Variants in EPHA8 observed in about 807,000 individuals in gnomAD.
EPHA8 encodes the protein ephrin type-A receptor 8.
A neutral mutation model predicts 103.6 loss-of-function variants in EPHA8; 58 were observed. The ratio of observed to expected loss-of-function variants is 0.56; its 90% CI spans 0.45 to 0.70. EPHA8 has a LOEUF of 0.70. EPHA8 is among the 30% of genes least tolerant of loss of function. The pLI, the probability that EPHA8 is intolerant of heterozygous loss-of-function variation, is 0.00. For missense variants in EPHA8, 1,304 were observed against 1,395.2 expected (o/e 0.93, Z 1.04); for synonymous variants, 559 against 572.5 (o/e 0.98, Z 0.34).
chr1:22,578,304 C>A (rs1284223014), intron 3 of EPHA8, among the ~76,000 whole-genome samples: 1 of 126,788 alleles, frequency 7.9e-6, no homozygotes, highest in Non-Finnish European at 1.6e-5. Flanking sequence ...GAGTCTATGC[C>A]TGTGTGCATA....
chr1:22,566,522 G>C (rs1456003109), intron 1 of EPHA8, among the ~76,000 whole-genome samples: 1 of 152,206 alleles, frequency 6.6e-6, no homozygotes, highest in Non-Finnish European at 1.5e-5. Flanking sequence ...ATAGGCCTAG[G>C]AGGGATGCCT....
Position 22,589,203 on chromosome 1 carries a change from G to C in EPHA8, c.1312G>C (p.Ala438Pro). The change falls in exon 5 of 17, where the codon GCA becomes CCA. Residue 438 changes from alanine (A) to proline (P), a missense_variant. By Grantham distance (27) the Ala-to-Pro change is conservative. Transcript: ENST00000166244. This position sits in a 1 kb window ranked among gnomAD's most constrained non-coding sequence, Gnocchi z 4.3. The part of the protein sequence containing the change: ...AAVVNITTNQ[A>P]APSQVVVIRQ... The stretch of plus-strand genomic sequence containing the variant: ...TGTGGTCAACATCACCACGAACCAG[G>C]CAGGTAGGCGGAGAAACTCCGTCCC... 1 of 1,613,952 alleles carries C rather than the reference G, an allele frequency of 6.2e-7. No individual in the cohort carries two copies. The highest frequency in any genetic ancestry group is 1.1e-5 in the South Asian group (1 of 91,070).
In EPHA8 at chr1:22,595,251, C is replaced by T. The variant is rs1223729255; in HGVS notation, c.1625C>T (p.Thr542Ile). ...GCAGGGCCCCGCTATGACACCAGGA[C>T]CATTGTCTGGATCTGCCTGACGCTC... Reference protein sequence around the residue: ...GKPRPRYDTRTIVWICLTLIT... With the variant: ...GKPRPRYDTRIIVWICLTLIT... The change falls in exon 8 of 17, where the codon ACC (threonine) becomes ATC (isoleucine). Residue 542 changes from threonine to isoleucine, a missense_variant. Thr to Ile is a moderately conservative substitution (Grantham distance 89). Coordinates refer to ENST00000166244, the MANE Select transcript of EPHA8 (RefSeq NM_020526.5). 6.2e-7 allele frequency: 1 copy of T among 1,613,582 alleles called. No individual in the cohort carries two copies.
chr1:22,585,419 G>A (rs1641175484), intron 3 of EPHA8, among the ~76,000 whole-genome samples: 1 of 152,158 alleles, frequency 6.6e-6, no homozygotes, highest in Non-Finnish European at 1.5e-5. Context: ...CTGCACAGTG[G>A]ACTCCTTATT....
Position 22,597,329 on chromosome 1 carries a change from C to T in EPHA8, c.1783C>T (p.Leu595=). 6.2e-7 allele frequency: 1 copy of T among 1,606,942 alleles called. No individual in the cohort carries two copies. Among genetic ancestry groups the T allele is most frequent in the Non-Finnish European group, 8.5e-7 (1 of 1,175,510 alleles). The change falls in exon 10 of 17, where the codon CTG becomes TTG. Residue 595 remains leucine (L), a synonymous_variant. Coordinates refer to ENST00000166244, the MANE Select transcript of EPHA8 (RefSeq NM_020526.5). This position sits in a 1 kb window ranked among gnomAD's most constrained non-coding sequence, Gnocchi z 4.6. ...CCCCTCAGCACCCCCACCTGTCTTC[C>T]TGCCTCTGCATCACCCCCCGGGAAA... is the stretch of plus-strand genomic sequence containing the variant. The part of the protein sequence containing the change: ...QNGQAPPPVF[L]PLHHPPGKLP...
At chr1:22,588,770 G>A in intron 4 of EPHA8, 101 bp from the exon 5 acceptor site, 1 of 1,497,046 alleles carries the variant, frequency 6.7e-7, no homozygotes, top group Non-Finnish European at 8.8e-7. Flanking sequence ...CCCTAAATAT[G>A]ATGGGGAGCC....
intron 7 of EPHA8, among the ~76,000 whole-genome samples, chr1:22,594,372 T>C (rs1050568378): frequency 6.6e-6 from 1 of 152,216 alleles, no homozygotes; most frequent in African/African-American, 2.4e-5. Flanking sequence ...TGGCTGGTAC[T>C]GAGATGAGTG....
intron 1 of EPHA8, among the ~76,000 whole-genome samples, chr1:22,564,978 A>T (rs1203909013): frequency 6.6e-6 from 1 of 152,130 alleles, no homozygotes. Context: ...GCACACACAC[A>T]GGCTACTTGG....
intron 3 of EPHA8, among the ~76,000 whole-genome samples, chr1:22,586,078 G>A (rs1641196692): frequency 6.6e-6 from 1 of 152,162 alleles, no homozygotes; most frequent in Non-Finnish European, 1.5e-5. Context: ...CTGGCCCCTA[G>A]GCTGGCGTCC....
intron 5 of EPHA8, among the ~76,000 whole-genome samples, chr1:22,590,576 C>T (rs1641346095): frequency 1.3e-5 from 2 of 152,122 alleles, no homozygotes; most frequent in South Asian, 4.1e-4. Flanking sequence ...GTGTCCCAGC[C>T]CACGCCCATT....
chr1:22,578,814 T>C (rs1199179040), intron 3 of EPHA8, among the ~76,000 whole-genome samples: 1 of 151,858 alleles, frequency 6.6e-6, no homozygotes. Context: ...TGCATGTATG[T>C]GTACATGTGC....
At chr1:22,596,498 C>T (rs1043351786) in intron 9 of EPHA8, among the ~76,000 whole-genome samples, 1 of 152,122 alleles carries the variant, frequency 6.6e-6, no homozygotes, top group Admixed American at 6.5e-5. Context: ...TGTAGAGATC[C>T]CAGACAACAA....
intron 1 of EPHA8, among the ~76,000 whole-genome samples, chr1:22,565,464 G>A (rs1213317792): frequency 6.6e-6 from 1 of 152,174 alleles, no homozygotes; most frequent in Admixed American, 6.5e-5. Flanking sequence ...GGCCCTGGGA[G>A]CTGCACCCGA....
intron 5 of EPHA8, 29 bp from the exon 6 acceptor site, chr1:22,593,297 C>CG: frequency 6.5e-7 from 1 of 1,546,452 alleles, no homozygotes; most frequent in Non-Finnish European, 8.8e-7. Flanking sequence ...GTCTCCCCTC[C>CG]GCCCATCTGA....
intron 9 of EPHA8, 75 bp downstream of exon 9, chr1:22,596,248 C>T (rs947641973): frequency 3.4e-6 from 5 of 1,452,842 alleles, no homozygotes; most frequent in African/African-American, 1.4e-5. Flanking sequence ...GGGGGTGGCA[C>T]AGATGGGAAG....
At chr1:22,581,815 T>C (rs1311397794) in intron 3 of EPHA8, among the ~76,000 whole-genome samples, 1 of 152,250 alleles carries the variant, frequency 6.6e-6, no homozygotes, top group Non-Finnish European at 1.5e-5. Flanking sequence ...TAATTCATAG[T>C]GCACTGCAGG....
rs2148275034 is a variant in EPHA8 at position 22,601,996 on chromosome 1, G to A, written c.*255G>A. On this transcript the variant is annotated 3_prime_UTR_variant, in exon 17 of 17. Transcript: ENST00000166244. ...CACCTTCTCTTTTCCAGAGCCTGGG[G>A]CCTCCACGTCACAGAGTCCAACAGG... 1.8e-6 allele frequency: 1 copy of A among 569,118 alleles called. No individual in the cohort carries two copies. The highest frequency in any genetic ancestry group is 3.1e-6 in the Non-Finnish European group (1 of 325,422). 35.3% of individuals were successfully genotyped at this position (569,118 alleles called of 1,614,324 possible).
intron 2 of EPHA8, among the ~76,000 whole-genome samples, chr1:22,575,399 G>A (rs1640655795): frequency 6.6e-6 from 1 of 152,082 alleles, no homozygotes; most frequent in Admixed American, 6.5e-5. Context: ...TTAGAGAAAT[G>A]TCTGTTCAAG....
rs1257012529 is a variant in EPHA8, at chr1:22,598,972, C to T, written c.2313C>T (p.Asn771=). The T allele has an allele frequency of 2.5e-6, 4 of 1,612,290 alleles. No individual in the cohort carries two copies. The African/African-American group carries it at 5.3e-5, about 22-fold the overall frequency. ...CCCGCAACGTCCTGGTTGACAGCAA[C>T]CTGGTCTGCAAGGTGTCTGACTTCG... ...LAARNVLVDS[N]LVCKVSDFGL... The change falls in exon 13 of 17, where the codon AAC becomes AAT. Residue 771 remains asparagine (N), a synonymous_variant. Transcript: ENST00000166244. This position sits in a 1 kb window ranked among gnomAD's most constrained non-coding sequence, Gnocchi z 5.1.
Sources: gnomAD v4.1 joint callset for allele counts (sites outside exome capture counted in the v4.1 genomes callset) on GRCh38, gnomAD v4.1.1 for gene constraint, Gnocchi (gnomAD v3.1) non-coding constraint, MANE v1.5 for transcripts, NCBI Gene and HGNC (gene_info 2026-07-23, HGNC 2026-07-21) for gene names.